TAFA1: variants seen among roughly 807,000 people sequenced by gnomAD.
TAFA1 encodes chemokine-like protein TAFA-1.
Under a neutral mutation model 18.5 loss-of-function variants are expected in TAFA1, and 4 were observed. That is an observed-to-expected ratio of 0.22 (90% CI 0.11 to 0.49). The LOEUF is 0.49. TAFA1 is among the 20% of genes least tolerant of loss of function. The pLI, the probability that TAFA1 is intolerant of heterozygous loss-of-function variation, is 0.98. For missense variants in TAFA1, 147 were observed against 169.0 expected, an observed-to-expected ratio of 0.87 and a Z score of 0.72; for synonymous variants, 56 against 55.2, an observed-to-expected ratio of 1.01 and a Z score of -0.06.
At chr3:68,540,141 T>C (rs1042701702) in intron 4 of TAFA1, among the ~76,000 whole-genome samples, 2 of 152,180 alleles carry the variant, frequency 1.3e-5, no homozygotes, top group South Asian at 2.1e-4. Context: ...TGCTACATAA[T>C]ACTATATAAA....
intron 2 of TAFA1, among the ~76,000 whole-genome samples, chr3:68,382,365 C>T (rs2069985517): frequency 6.6e-6 from 1 of 152,032 alleles, no homozygotes; most frequent in Admixed American, 6.6e-5. Context: ...ACCAGCTCCT[C>T]CTTGTACCTC....
intron 2 of TAFA1, among the ~76,000 whole-genome samples, chr3:68,210,422 G>A (rs1278201476): frequency 6.6e-6 from 1 of 151,964 alleles, no homozygotes; most frequent in African/African-American, 2.4e-5. Context: ...CATCCATTAG[G>A]TAAAGTCTGG....
At chr3:68,495,053 AC>A (rs144106542) in intron 3 of TAFA1, among the ~76,000 whole-genome samples, 1,738 of 152,272 alleles carry the variant, frequency 0.011, 42 homozygotes, top group African/African-American at 0.04. Flanking sequence ...CTATTAACTG[AC>A]CTCTAACCAA....
At chr3:68,204,669 A>G (rs1285978278) in intron 2 of TAFA1, among the ~76,000 whole-genome samples, 1 of 151,872 alleles carries the variant, frequency 6.6e-6, no homozygotes, top group East Asian at 2.0e-4. Context: ...AGCAACAATC[A>G]CAAATGTTCA....
At chr3:68,518,096 T>G (rs544064918) in intron 3 of TAFA1, among the ~76,000 whole-genome samples, 1 of 152,342 alleles carries the variant, frequency 6.6e-6, no homozygotes, top group Admixed American at 6.5e-5. Context: ...AAATTCCTAC[T>G]GATCCTTTAG....
chr3:68,006,192 A>G (rs1704353272), intron 1 of TAFA1: 1 of 161,032 alleles, frequency 6.2e-6, no homozygotes, highest in African/African-American at 2.4e-5. Flanking sequence ...GAATTAAAAA[A>G]AAAAAAAGAA....
intron 2 of TAFA1, among the ~76,000 whole-genome samples, chr3:68,009,966 A>AT (rs888007745): frequency 6.6e-6 from 1 of 152,164 alleles, no homozygotes; most frequent in African/African-American, 2.4e-5. Flanking sequence ...ACATAATCTC[A>AT]TTTTCTCAAA....
At chr3:68,317,490 A>C (rs1392436634) in intron 2 of TAFA1, among the ~76,000 whole-genome samples, 1 of 152,186 alleles carries the variant, frequency 6.6e-6, no homozygotes, top group East Asian at 1.9e-4. Flanking sequence ...CTGGCTCTTA[A>C]AATGCCTATA....
intron 3 of TAFA1, among the ~76,000 whole-genome samples, chr3:68,476,064 T>C (rs542740381): frequency 1.3e-5 from 2 of 152,340 alleles, no homozygotes; most frequent in African/African-American, 4.8e-5. Context: ...ATATTAGCCC[T>C]TTGTCAGTTG....
intron 3 of TAFA1, among the ~76,000 whole-genome samples, chr3:68,525,552 G>T (rs114767348): frequency 1.3e-4 from 20 of 152,174 alleles, no homozygotes; most frequent in Non-Finnish European, 2.9e-5. Context: ...AAACAAAGCT[G>T]TTGATTGTTG....
In TAFA1 at chr3:68,038,728, C is replaced by T. The variant is rs966494849; in HGVS notation, c.118+31984C>T. ...TCAATACTCGTCAGAAAAGCAATGA[C>T]ATTAAAAGTAGGAAGATAAACAACA... On this transcript the variant is annotated intron_variant, in intron 2 of 4. Coordinates refer to ENST00000478136, the MANE Select transcript of TAFA1 (RefSeq NM_213609.4). Among the ~76,000 whole-genome samples the T allele has an allele frequency of 2.6e-5, 4 of 151,766 alleles. 1 individual carries two copies. Among genetic ancestry groups the T allele is most frequent in the Non-Finnish European group, 5.9e-5 (4 of 67,930 alleles).
chr3:68,442,431 A>G (rs190266200), intron 3 of TAFA1, among the ~76,000 whole-genome samples: 514 of 152,276 alleles, frequency 3.4e-3, no homozygotes, highest in Non-Finnish European at 6.2e-3. Flanking sequence ...TAATTCATTC[A>G]TAAGGGCAGA....
At chr3:68,328,424 G>A (rs2068810905) in intron 2 of TAFA1, among the ~76,000 whole-genome samples, 1 of 152,170 alleles carries the variant, frequency 6.6e-6, no homozygotes, top group African/African-American at 2.4e-5. Flanking sequence ...TGTGTTTGGG[G>A]AAAGTAGTTA....
intron 4 of TAFA1, among the ~76,000 whole-genome samples, chr3:68,542,835 G>A (rs1367928537): frequency 6.6e-6 from 1 of 152,126 alleles, no homozygotes; most frequent in East Asian, 1.9e-4. Context: ...GGGGGTAGAG[G>A]AAGAGCCACT....
intron 2 of TAFA1, among the ~76,000 whole-genome samples, chr3:68,048,717 C>T (rs2064426932): frequency 6.6e-6 from 1 of 151,990 alleles, no homozygotes; most frequent in Non-Finnish European, 1.5e-5. Context: ...TGAAGTTTGT[C>T]TTTCTTTGCC....
chr3:68,248,492 T>C (rs983177276), intron 2 of TAFA1, among the ~76,000 whole-genome samples: 6 of 152,000 alleles, frequency 3.9e-5, no homozygotes, highest in Non-Finnish European at 5.9e-5. Flanking sequence ...CATAAAGTGA[T>C]AGAAACCAGA....
At chr3:68,001,862 G>A (rs2106760885), upstream of TAFA1, among the ~76,000 whole-genome samples, 1 of 152,252 alleles carries the variant, frequency 6.6e-6, no homozygotes, top group East Asian at 1.9e-4. Flanking sequence ...AGATTGGTAG[G>A]GGAAGAGGAG....
chr3:68,037,305 G>T lies in TAFA1; in HGVS notation c.118+30561G>T, dbSNP rs139307941. 2.6e-5 allele frequency among the ~76,000 whole-genome samples: 4 copies of T among 152,098 alleles called. No individual in the cohort carries two copies. The East Asian group carries it at 7.7e-4, about 29-fold the overall frequency. ...GAAGGGGCTTTTGTCTGGAGATGAC[G>T]CCAAAGAGGAAAGGACCAGATGTGC... On this transcript the variant is annotated intron_variant, in intron 2 of 4. Coordinates refer to ENST00000478136, the MANE Select transcript of TAFA1 (RefSeq NM_213609.4).
chr3:68,321,140 TAGGGG>T (rs1245050255), intron 2 of TAFA1, among the ~76,000 whole-genome samples: 1 of 152,194 alleles, frequency 6.6e-6, no homozygotes, highest in Non-Finnish European at 1.5e-5. Flanking sequence ...TTCTCTCGAA[TAGGGG>T]ATAAATATGG....
Sources: gnomAD v4.1 joint callset for allele counts (sites outside exome capture counted in the v4.1 genomes callset) on GRCh38, gnomAD v4.1.1 for gene constraint, MANE v1.5 for transcripts, NCBI Gene and HGNC (gene_info 2026-07-23, HGNC 2026-07-21) for gene names.